FBXL2: variants seen among roughly 807,000 people sequenced by gnomAD.
FBXL2 encodes the protein F-box and leucine rich repeat protein 2, also known as F-box/LRR-repeat protein 2.
Under a neutral mutation model 69.2 loss-of-function variants are expected in FBXL2, and 38 were observed. The ratio of observed to expected loss-of-function variants is 0.55; its 90% CI spans 0.42 to 0.72. The LOEUF is 0.72. FBXL2 is among the 30% of genes least tolerant of loss of function. FBXL2 has a pLI of 0.00. For missense variants in FBXL2, 354 were observed against 520.3 expected, an observed-to-expected ratio of 0.68 and a Z score of 3.11; for synonymous variants, 192 against 201.3, an observed-to-expected ratio of 0.95 and a Z score of 0.39.
At chr3:33,277,665 C>T in intron 1 of FBXL2, 150 bp downstream of exon 1, 2 of 853,878 alleles carry the variant, frequency 2.3e-6, no homozygotes, top group Non-Finnish European at 3.1e-6. Flanking sequence ...CAGGGCAGGG[C>T]TGGGCGGGCC....
chr3:33,326,167 T>C (rs547418607), intron 2 of FBXL2, among the ~76,000 whole-genome samples: 3 of 152,330 alleles, frequency 2.0e-5, no homozygotes, highest in African/African-American at 7.2e-5. Context: ...ATAGTGTCTA[T>C]ACTTCTTAGT....
intron 9 of FBXL2, among the ~76,000 whole-genome samples, chr3:33,374,551 T>C (rs1163824737): frequency 7.9e-5 from 12 of 152,178 alleles, no homozygotes; most frequent in Admixed American, 5.2e-4. Flanking sequence ...TATAAATCTT[T>C]AGAGTCCCTA....
intron 5 of FBXL2, among the ~76,000 whole-genome samples, chr3:33,366,482 C>A (rs1216789003): frequency 6.6e-6 from 1 of 151,864 alleles, no homozygotes; most frequent in Non-Finnish European, 1.5e-5. Flanking sequence ...GCCTGAGCAA[C>A]ACAGCAAGAC....
At chr3:33,318,732 CTG>C (rs2037923682) in intron 2 of FBXL2, among the ~76,000 whole-genome samples, 1 of 116,366 alleles carries the variant, frequency 8.6e-6, no homozygotes, top group African/African-American at 3.8e-5. Context: ...TTAAACATAA[CTG>C]ATGTTTTTTA....
At chr3:33,289,862 AGG>A in intron 1 of FBXL2, 2 of 869,584 alleles carry the variant, frequency 2.3e-6, no homozygotes, top group Non-Finnish European at 2.8e-6. Context: ...GTAGTGCACC[AGG>A]GGGTTTATGA....
At chr3:33,418,263 A>G in the FBXL2 span, among the ~76,000 whole-genome samples, 1 of 152,036 alleles carries the variant, frequency 6.6e-6, no homozygotes, top group Admixed American at 6.5e-5. Context: ...TTATTTATTT[A>G]TTTATTTTGA....
In FBXL2 at chr3:33,301,469, A is replaced by G. The variant is rs146343842; in HGVS notation, c.65+3744A>G. ...CCATTAACAAGCATAATCTGGAATA[A>G]TATGCTGCTTTTCATCTCTCTGTTA... On this transcript the variant is annotated intron_variant, in intron 2 of 14. Transcript: ENST00000484457. Among the ~76,000 whole-genome samples the G allele has an allele frequency of 1.2e-3, 177 of 152,336 alleles. 1 individual carries two copies. Among genetic ancestry groups the G allele is most frequent in the African/African-American group, 3.8e-3 (160 of 41,572 alleles).
the FBXL2 span, among the ~76,000 whole-genome samples, chr3:33,414,908 C>T: frequency 0.022 from 3,394 of 152,250 alleles, 60 homozygotes; most frequent in Non-Finnish European, 0.037. Flanking sequence ...AGTGTTATGT[C>T]AGCAAAACAT....
chr3:33,410,782 C>T, the FBXL2 span, among the ~76,000 whole-genome samples: 1 of 151,986 alleles, frequency 6.6e-6, no homozygotes, highest in Non-Finnish European at 1.5e-5. Flanking sequence ...CTTTAAAGTA[C>T]TCTAACAGGC....
the FBXL2 span, among the ~76,000 whole-genome samples, chr3:33,416,530 T>A: frequency 2.0e-5 from 3 of 152,352 alleles, no homozygotes; most frequent in African/African-American, 4.8e-5. Context: ...TTTTACCCCA[T>A]AACTACAACT....
chr3:33,343,575 A>G (rs545681904), intron 2 of FBXL2, among the ~76,000 whole-genome samples: 27 of 152,236 alleles, frequency 1.8e-4, no homozygotes, highest in South Asian at 1.4e-3. Context: ...TTAGGAGTCT[A>G]TGTATCTTTA....
downstream of FBXL2, among the ~76,000 whole-genome samples, chr3:33,404,298 GC>G (rs2154056614): frequency 6.6e-6 from 1 of 152,156 alleles, no homozygotes; most frequent in South Asian, 2.1e-4. Context: ...TGTAATCCCA[GC>G]TACTCAGGAG....
intron 12 of FBXL2, among the ~76,000 whole-genome samples, chr3:33,393,854 A>G (rs1427865667): frequency 6.6e-6 from 1 of 152,212 alleles, no homozygotes; most frequent in Non-Finnish European, 1.5e-5. Context: ...AATTTTGACA[A>G]TGGCTGCCAA....
At chr3:33,354,584 A>C (rs1014384786) in intron 2 of FBXL2, among the ~76,000 whole-genome samples, 2 of 152,176 alleles carry the variant, frequency 1.3e-5, no homozygotes, top group Admixed American at 1.3e-4. Context: ...CCAAATGGAA[A>C]TATTTTACAG....
downstream of FBXL2, chr3:33,389,308 TTGA>T (rs1425567076): frequency 1.3e-5 from 2 of 152,606 alleles, no homozygotes; most frequent in African/African-American, 2.4e-5. Flanking sequence ...TAGTGTTTGA[TTGA>T]TAACATCTAG....
rs751843788 is a variant in FBXL2 at position 33,375,434 on chromosome 3, T to G, written c.788+16T>G. The G allele has an allele frequency of 6.2e-7, 1 of 1,608,054 alleles. No individual in the cohort carries two copies. The highest frequency in any genetic ancestry group is 1.1e-5 in the South Asian group (1 of 90,834). ...CGCGACTGCAGTGAGTACACTGCAC[T>G]TTTTGCTTTGCAGCTCAGAGTTTGG... is the stretch of plus-strand genomic sequence containing the variant. On this transcript the variant is annotated intron_variant, in intron 10 of 14. Transcript: ENST00000484457.
chr3:33,358,869 A>C (rs1398916066), intron 2 of FBXL2, 98 bp from the exon 3 acceptor site: 7 of 626,322 alleles, frequency 1.1e-5, no homozygotes, highest in Non-Finnish European at 1.3e-5. Context: ...GAAAAAACTT[A>C]TGTATCCAGG....
chr3:33,392,570 T>G, downstream of FBXL2: 1 of 1,611,840 alleles, frequency 6.2e-7, no homozygotes. Context: ...TACCTTTTAC[T>G]GTGGAGAATA....
At chr3:33,341,434 A>G (rs2040006184) in intron 2 of FBXL2, among the ~76,000 whole-genome samples, 1 of 152,186 alleles carries the variant, frequency 6.6e-6, no homozygotes, top group Non-Finnish European at 1.5e-5. Flanking sequence ...ATGTTTAGAG[A>G]TGATAAATTG....
Sources: allele counts gnomAD v4.1 joint callset (sites outside exome capture counted in the v4.1 genomes callset), GRCh38; gene constraint gnomAD v4.1.1; transcripts MANE v1.5; gene names NCBI Gene and HGNC (gene_info 2026-07-23, HGNC 2026-07-21).